The following SLC8A1 variants were observed in gnomAD, a reference collection of about 807,000 sequenced individuals.
SLC8A1 encodes sodium/calcium exchanger 1.
SLC8A1 carries 18 observed loss-of-function variants against 68.3 expected under a neutral mutation model. The ratio of observed to expected loss-of-function variants is 0.26; its 90% CI spans 0.18 to 0.39. The LOEUF (loss-of-function observed/expected upper bound fraction) is 0.39, where lower values mean the gene tolerates loss of function less well. Among genes scored for constraint, SLC8A1 ranks in the 10% least tolerant of loss-of-function variants. The probability of loss-of-function intolerance (pLI) is 1.00; values close to 1 mark genes in which losing one functional copy is unlikely to be tolerated. For synonymous variants in SLC8A1, 475 were observed against 415.5 expected (o/e 1.14, Z -1.74); for missense variants, 985 against 1,156.7 (o/e 0.85, Z 2.15).
intron 2 of SLC8A1, among the ~76,000 whole-genome samples, chr2:40,279,203 A>G (rs762576139): frequency 6.6e-6 from 1 of 152,198 alleles, no homozygotes; most frequent in South Asian, 2.1e-4. Flanking sequence ...TCCTCCTGGG[A>G]CTGCTATTAA....
At chr2:40,278,264 A>G (rs71439292) in intron 2 of SLC8A1, among the ~76,000 whole-genome samples, 26,038 of 151,866 alleles carry the variant, frequency 0.17, 2,485 homozygotes, top group East Asian at 0.43. Context: ...AGGTCAAGAG[A>G]TAGAGACCAT....
intron 1 of SLC8A1, among the ~76,000 whole-genome samples, chr2:40,439,078 G>C (rs1338312066): frequency 6.6e-6 from 1 of 152,088 alleles, no homozygotes; most frequent in Non-Finnish European, 1.5e-5. Context: ...AAGCCCCGTA[G>C]TGAATATGTG....
Position 40,376,343 on chromosome 2 carries a change from G to A in SLC8A1, c.1808+52130C>T, listed in dbSNP as rs1401164402. The stretch of plus-strand genomic sequence containing the variant: ...ATAATCATGGTCACCTGGGATTAGA[G>A]ATAGACAGTAGCTATGGTTTGTTCG... On this transcript the variant is annotated intron_variant, in intron 2 of 7. Transcript: ENST00000406785. Among the ~76,000 whole-genome samples the A allele has an allele frequency of 4.6e-5, 7 of 152,114 alleles. No homozygotes were observed. In the East Asian group the frequency reaches 1.4e-3, roughly 29 times the overall value.
At chr2:40,323,128 T>G (rs1167898539) in intron 2 of SLC8A1, among the ~76,000 whole-genome samples, 1 of 152,280 alleles carries the variant, frequency 6.6e-6, no homozygotes, top group Middle Eastern at 3.4e-3. Flanking sequence ...CAACATCACA[T>G]AGGCAACTAT....
chr2:40,221,598 G>A (rs928414640), intron 2 of SLC8A1, among the ~76,000 whole-genome samples: 16 of 152,168 alleles, frequency 1.1e-4, no homozygotes, highest in Admixed American at 6.5e-5. Flanking sequence ...ATTTGTCTCT[G>A]TTTGCAGATG....
At chr2:40,294,433 A>G (rs928888241) in intron 2 of SLC8A1, among the ~76,000 whole-genome samples, 5 of 152,198 alleles carry the variant, frequency 3.3e-5, no homozygotes, top group Non-Finnish European at 7.4e-5. Context: ...TTTAGTGGCT[A>G]AGCTAGGGTT....
At chr2:40,427,096 A>G (rs1280483019) in intron 2 of SLC8A1, among the ~76,000 whole-genome samples, 1 of 152,040 alleles carries the variant, frequency 6.6e-6, no homozygotes, top group Non-Finnish European at 1.5e-5. Flanking sequence ...TAATCAAAAC[A>G]CTTTGCTCCC....
intron 2 of SLC8A1, among the ~76,000 whole-genome samples, chr2:40,206,878 T>C (rs542636411): frequency 6.6e-6 from 1 of 152,072 alleles, no homozygotes; most frequent in African/African-American, 2.4e-5. Context: ...TTTTAAGAGG[T>C]GCCACATTGT....
chr2:40,488,722 G>C lies in SLC8A1; in HGVS notation c.-25+23627C>G, dbSNP rs115039804. Among the ~76,000 whole-genome samples the C allele has an allele frequency of 3.2e-3, 493 of 152,170 alleles. 2 individuals carry two copies. The highest frequency in any genetic ancestry group is 0.011 in the African/African-American group (468 of 41,522). On this transcript the variant is annotated intron_variant, in intron 1 of 7. Coordinates refer to the SLC8A1 transcript ENST00000402441. ...TTAAAGGTTATTTAAATTCACATGAGTTCTTTCTTTGTGCCGTGTTAATAT... is the reference window on the plus strand; with the variant it reads ...TTAAAGGTTATTTAAATTCACATGACTTCTTTCTTTGTGCCGTGTTAATAT...
intron 2 of SLC8A1, among the ~76,000 whole-genome samples, chr2:40,240,815 C>T (rs1352632434): frequency 1.3e-5 from 2 of 152,130 alleles, no homozygotes; most frequent in African/African-American, 2.4e-5. Context: ...GAGTTCAAGG[C>T]TGCAGTGAAC....
intron 1 of SLC8A1, among the ~76,000 whole-genome samples, chr2:40,493,549 A>C (rs1395853548): frequency 1.3e-5 from 2 of 151,880 alleles, no homozygotes; most frequent in Non-Finnish European, 2.9e-5. Flanking sequence ...TAGGTTCAGA[A>C]AGTGTAAATA....
chr2:40,252,578 C>A (rs1056577897), intron 2 of SLC8A1, among the ~76,000 whole-genome samples: 1 of 152,128 alleles, frequency 6.6e-6, no homozygotes, highest in Non-Finnish European at 1.5e-5. Context: ...AAGTGATCCA[C>A]CTGCCTTGGC....
At chr2:40,307,146 T>A (rs72796676) in intron 2 of SLC8A1, among the ~76,000 whole-genome samples, 1 of 148,172 alleles carries the variant, frequency 6.7e-6, no homozygotes, top group South Asian at 2.1e-4. Flanking sequence ...AAATGTGATA[T>A]ACACACACAC....
intron 2 of SLC8A1, among the ~76,000 whole-genome samples, chr2:40,352,118 G>T (rs959753779): frequency 6.6e-6 from 1 of 152,106 alleles, no homozygotes; most frequent in Non-Finnish European, 1.5e-5. Flanking sequence ...ATAGATTAAT[G>T]CTTCGTATTT....
intron 1 of SLC8A1, among the ~76,000 whole-genome samples, chr2:40,493,633 G>A (rs998709921): frequency 6.7e-6 from 1 of 148,176 alleles, no homozygotes. Flanking sequence ...ATTACAATCC[G>A]GAAATCTTTC....
chr2:40,481,201 C>T (rs1355985092), intron 1 of SLC8A1, among the ~76,000 whole-genome samples: 1 of 152,096 alleles, frequency 6.6e-6, no homozygotes, highest in African/African-American at 2.4e-5. Context: ...ACATAGTTTA[C>T]CATAGGGAGG....
chr2:40,169,056 A>T (rs1443054028), intron 4 of SLC8A1, among the ~76,000 whole-genome samples: 1 of 152,210 alleles, frequency 6.6e-6, no homozygotes, highest in Non-Finnish European at 1.5e-5. Context: ...GCTAATAGGT[A>T]CCTGGCATCT....
At chr2:40,320,550 G>A (rs1023626221) in intron 2 of SLC8A1, among the ~76,000 whole-genome samples, 18 of 152,080 alleles carry the variant, frequency 1.2e-4, no homozygotes, top group African/African-American at 3.6e-4. Flanking sequence ...AAAATCAGAC[G>A]TTTATTAAAT....
intron 1 of SLC8A1, among the ~76,000 whole-genome samples, chr2:40,436,761 C>A (rs374616117): frequency 2.6e-5 from 4 of 151,908 alleles, no homozygotes; most frequent in Non-Finnish European, 4.4e-5. Context: ...CATGCTAACA[C>A]GGAAATATGG....
Sources: gnomAD v4.1 joint callset for allele counts (sites outside exome capture counted in the v4.1 genomes callset) on GRCh38, gnomAD v4.1.1 for gene constraint, MANE v1.5 for transcripts, NCBI Gene and HGNC (gene_info 2026-07-23, HGNC 2026-07-21) for gene names.